Variants in HSPA4 observed in about 807,000 individuals in gnomAD.
The protein encoded by HSPA4 is heat shock 70 kDa protein 4.
In HSPA4, 25 loss-of-function variants were observed where a neutral mutation model predicts 106.2. That is an observed-to-expected ratio of 0.24 (90% CI 0.17 to 0.33). The LOEUF (loss-of-function observed/expected upper bound fraction) is 0.33, where lower values mean the gene tolerates loss of function less well. HSPA4 is among the 10% of genes least tolerant of loss of function. The probability of loss-of-function intolerance (pLI) is 1.00; values close to 1 mark genes in which losing one functional copy is unlikely to be tolerated. For synonymous variants in HSPA4, 332 were observed against 333.6 expected (o/e 1.00, Z 0.05); for missense variants, 841 against 996.0 (o/e 0.84, Z 2.10).
chr5:133,084,771 A>G (rs143923199), intron 7 of HSPA4, among the ~76,000 whole-genome samples: 3,235 of 151,934 alleles, frequency 0.021, 54 homozygotes, highest in Non-Finnish European at 0.031. Context: ...CACCCAGCCT[A>G]CTATTCTTTT....
Position 133,091,201 on chromosome 5 carries a change from T to G in HSPA4, c.1387T>G (p.Ser463Ala), listed in dbSNP as rs1203041505. ...CTCTCGTATGTCCCTAGCTCAGTTT[T>G]CAGTTCAGAAAGTCACTCCTCAGTC... ...PYPDPAIAQF[S>A]VQKVTPQSDG... Residue 463 changes from serine (S) to alanine (A), a missense_variant, in exon 12 of 19, where the codon TCA (serine) becomes GCA (alanine). Ser to Ala is a moderately conservative substitution (Grantham distance 99). Coordinates refer to ENST00000304858, the MANE Select transcript of HSPA4 (RefSeq NM_002154.4). 4 of 1,613,926 alleles carry G rather than the reference T, an allele frequency of 2.5e-6. No homozygotes were observed. The highest frequency in any genetic ancestry group is 3.4e-6 in the Non-Finnish European group (4 of 1,179,804).
At chr5:133,103,261 G>C (rs1347694172) in intron 17 of HSPA4, among the ~76,000 whole-genome samples, 1 of 151,760 alleles carries the variant, frequency 6.6e-6, no homozygotes, top group African/African-American at 2.4e-5. Flanking sequence ...TGGGCTCATT[G>C]TGTTGTCCAG....
chr5:133,089,811 C>G (rs762279989), intron 11 of HSPA4, 116 bp downstream of exon 11: 1 of 717,994 alleles, frequency 1.4e-6, no homozygotes, highest in South Asian at 3.0e-5. Context: ...CTGAGGAGTT[C>G]GAGATCAGCC....
chr5:133,089,068 C>CATA lies in HSPA4; in HGVS notation c.1151_1152insATA (p.Ser384_Pro385insTer). Reference sequence around the variant, plus strand: ...TTATTATTCTAGTGTGCCATCTTATCGCCTGCTTTCAAAGTCAGAGAATTT... The same window carrying CATA: ...TTATTATTCTAGTGTGCCATCTTATCATAGCCTGCTTTCAAAGTCAGAGAATTT... On this transcript the variant is annotated stop_gained and inframe_insertion, in exon 10 of 19. Coordinates refer to ENST00000304858, the MANE Select transcript of HSPA4 (RefSeq NM_002154.4). LOFTEE classifies it high-confidence loss of function. The CATA allele has an allele frequency of 6.3e-7, 1 of 1,592,020 alleles. No individual in the cohort carries two copies. Among genetic ancestry groups the CATA allele is most frequent in the Non-Finnish European group, 8.6e-7 (1 of 1,166,600 alleles).
chr5:133,073,267 T>C lies in HSPA4; in HGVS notation c.467T>C (p.Val156Ala). 1 of 1,611,986 alleles carries C rather than the reference T, an allele frequency of 6.2e-7. No individual in the cohort carries two copies. Among genetic ancestry groups the C allele is most frequent in the Non-Finnish European group, 8.5e-7 (1 of 1,178,928 alleles). The part of the protein sequence containing the change: ...CFYTDAERRS[V>A]MDATQIAGLN... ...TATACTGATGCAGAAAGACGATCAG[T>C]GATGGATGCAACACAGATTGCTGGT... The change falls in exon 5 of 19, where the codon GTG becomes GCG. Residue 156 changes from valine (V) to alanine (A), a missense_variant. By Grantham distance (64) the Val-to-Ala change is moderately conservative (BLOSUM62 0). Coordinates refer to ENST00000304858, the MANE Select transcript of HSPA4 (RefSeq NM_002154.4).
chr5:133,094,805 G>A (rs1004013337), intron 13 of HSPA4, among the ~76,000 whole-genome samples: 2 of 152,172 alleles, frequency 1.3e-5, no homozygotes, highest in African/African-American at 4.8e-5. Flanking sequence ...AGTTATAGGA[G>A]GTGGGAAATG....
intron 1 of HSPA4, among the ~76,000 whole-genome samples, chr5:133,064,003 C>T (rs1422031580): frequency 2.6e-5 from 4 of 152,116 alleles, no homozygotes; most frequent in Non-Finnish European, 1.5e-5. Context: ...CTCAGGTGAT[C>T]CGCCTGCCTC....
intron 13 of HSPA4, among the ~76,000 whole-genome samples, chr5:133,093,240 A>AT: frequency 6.6e-6 from 1 of 151,844 alleles, no homozygotes; most frequent in Non-Finnish European, 1.5e-5. Flanking sequence ...TATTTGAACA[A>AT]TTTTTTTAGG....
chr5:133,091,495 TTG>T (rs1385178305), intron 12 of HSPA4, 121 bp downstream of exon 12: 2 of 671,084 alleles, frequency 3.0e-6, no homozygotes, highest in Non-Finnish European at 5.0e-6. Context: ...GAGAGTGGGT[TTG>T]TATGTTTGCC....
At chr5:133,074,308 C>T (rs867374060) in intron 6 of HSPA4, among the ~76,000 whole-genome samples, 182 bp downstream of exon 6, 43 of 142,930 alleles carry the variant, frequency 3.0e-4, no homozygotes, top group African/African-American at 1.0e-4. Flanking sequence ...GATAGAGTTT[C>T]GCTCTTGTTG....
At chr5:133,088,983 A>G (rs1404505518) in intron 9 of HSPA4, 72 bp from the exon 10 acceptor site, 3 of 689,102 alleles carry the variant, frequency 4.4e-6, no homozygotes, top group East Asian at 2.7e-5. Context: ...AGTAATTTGT[A>G]TGTTTAAGTG....
intron 17 of HSPA4, among the ~76,000 whole-genome samples, chr5:133,102,102 T>A (rs571885081): frequency 7.9e-5 from 12 of 152,108 alleles, no homozygotes; most frequent in Admixed American, 2.0e-4. Context: ...TATTTTTGTA[T>A]TTTTAGTAGA....
chr5:133,055,307 A>ATT (rs397999293), intron 1 of HSPA4, among the ~76,000 whole-genome samples: 851 of 60,106 alleles, frequency 0.014, 107 homozygotes, highest in Non-Finnish European at 0.02. Context: ...AGGAAGGTTG[A>ATT]TTTTTTTTTT....
chr5:133,083,667 A>G (rs1372940171), intron 7 of HSPA4, among the ~76,000 whole-genome samples: 2 of 151,974 alleles, frequency 1.3e-5, no homozygotes, highest in South Asian at 2.1e-4. Flanking sequence ...CTTCCCAAGT[A>G]GCTGGGGTTA....
At chr5:133,093,208 G>A (rs1369026445) in intron 13 of HSPA4, among the ~76,000 whole-genome samples, 1 of 151,976 alleles carries the variant, frequency 6.6e-6, no homozygotes, top group Non-Finnish European at 1.5e-5. Context: ...TTGAAAGATA[G>A]TTATACTAGA....
chr5:133,084,366 A>G (rs1024806876), intron 7 of HSPA4, among the ~76,000 whole-genome samples: 4 of 152,194 alleles, frequency 2.6e-5, no homozygotes, highest in Non-Finnish European at 5.9e-5. Flanking sequence ...GAAGTAAAAC[A>G]TTTTAAACTT....
chr5:133,073,702 A>G (rs1765413083), intron 5 of HSPA4, among the ~76,000 whole-genome samples: 1 of 152,226 alleles, frequency 6.6e-6, no homozygotes, highest in South Asian at 2.1e-4. Context: ...AACATAGCAT[A>G]GGGGTAGAAA....
chr5:133,068,660 T>G (rs182986891), intron 3 of HSPA4, among the ~76,000 whole-genome samples: 1 of 152,214 alleles, frequency 6.6e-6, no homozygotes, highest in East Asian at 1.9e-4. Context: ...TCTGTGGTAA[T>G]TAAGGACAGT....
intron 4 of HSPA4, among the ~76,000 whole-genome samples, chr5:133,072,506 A>G (rs748008033): frequency 1.9e-4 from 28 of 147,010 alleles, no homozygotes; most frequent in Non-Finnish European, 3.6e-4. Flanking sequence ...TTCAAGCCTC[A>G]ACCTTTGGAG....
Sources: gnomAD v4.1 joint callset for allele counts (sites outside exome capture counted in the v4.1 genomes callset) on GRCh38, gnomAD v4.1.1 for gene constraint, MANE v1.5 for transcripts, NCBI Gene and HGNC (gene_info 2026-07-23, HGNC 2026-07-21) for gene names.